Variants in CERS3 observed in about 807,000 individuals in gnomAD.
CERS3 encodes the protein LAG1 homolog, ceramide synthase 3.
Under a neutral mutation model 50.3 loss-of-function variants are expected in CERS3, and 33 were observed. The observed-to-expected ratio is 0.66, with a 90% CI of 0.50 to 0.88. CERS3 has a LOEUF of 0.88. CERS3 is among the 40% of genes least tolerant of loss of function. The pLI is 0.00. For synonymous variants in CERS3, 176 were observed against 155.2 expected (o/e 1.13, Z -0.99); for missense variants, 470 against 460.3 (o/e 1.02, Z -0.19).
intron 11 of CERS3, among the ~76,000 whole-genome samples, chr15:100,415,327 A>G (rs1346912453): frequency 6.9e-6 from 1 of 144,564 alleles, no homozygotes; most frequent in East Asian, 1.9e-4. Context: ...TGTTATTGGG[A>G]ATGCAAATTA....
chr15:100,424,680 C>G (rs1230572199), intron 11 of CERS3, among the ~76,000 whole-genome samples: 2 of 152,172 alleles, frequency 1.3e-5, no homozygotes, highest in Non-Finnish European at 2.9e-5. Context: ...AAGAAGTGAC[C>G]TGGCTGCTTA....
At chr15:100,501,941 G>C in intron 2 of CERS3, 91 bp from the exon 3 acceptor site, 1 of 1,364,944 alleles carries the variant, frequency 7.3e-7, no homozygotes, top group Non-Finnish European at 1.0e-6. Context: ...GCCAGATCCA[G>C]AGAGCTTAGA....
intron 10 of CERS3, among the ~76,000 whole-genome samples, chr15:100,456,944 G>GAA (rs3079239): frequency 0.033 from 4,516 of 135,888 alleles, 108 homozygotes; most frequent in African/African-American, 0.057. Context: ...AAGATTCCGT[G>GAA]AAAAAAAAAA....
chr15:100,431,000 T>C (rs1478265860), intron 11 of CERS3, among the ~76,000 whole-genome samples: 1 of 152,192 alleles, frequency 6.6e-6, no homozygotes, highest in East Asian at 1.9e-4. Flanking sequence ...CTTGGTAAAC[T>C]ACAGATTCTC....
At chr15:100,482,954 C>G (rs1206843355) in intron 5 of CERS3, among the ~76,000 whole-genome samples, 5 of 152,160 alleles carry the variant, frequency 3.3e-5, no homozygotes, top group Admixed American at 6.5e-5. Flanking sequence ...TAACTTTTAA[C>G]TTAGAATAAA....
chr15:100,425,194 C>A (rs1422702915), intron 11 of CERS3, among the ~76,000 whole-genome samples: 2 of 152,210 alleles, frequency 1.3e-5, no homozygotes, highest in Non-Finnish European at 2.9e-5. Context: ...GGGCTGGAGC[C>A]CCCACACAGA....
intron 1 of CERS3, among the ~76,000 whole-genome samples, chr15:100,538,166 G>T (rs11247223): frequency 0.46 from 70,272 of 152,080 alleles, 16,817 homozygotes; most frequent in Admixed American, 0.55. Flanking sequence ...CTGTGGCTTT[G>T]CAGGGTACAG....
At chr15:100,494,210 C>A (rs1420848724) in intron 3 of CERS3, among the ~76,000 whole-genome samples, 1 of 78,120 alleles carries the variant, frequency 1.3e-5, no homozygotes, top group African/African-American at 5.6e-5. Flanking sequence ...TTTTTCTTTT[C>A]ATATATATAT....
At position 100,479,527 on chromosome 15, in the gene CERS3, C is replaced by T. The variant is rs201016016; in HGVS notation, c.466-49G>A. 1.0e-4 allele frequency: 155 copies of T among 1,496,228 alleles called. 1 individual carries two copies. The East Asian group carries it at 1.7e-3, about 16-fold the overall frequency. 92.7% of individuals were successfully genotyped at this position (1,496,228 alleles called of 1,614,324 possible). On this transcript the variant is annotated intron_variant, in intron 6 of 11. Transcript: ENST00000679737. ...GCCAACAGATGAGAAATAAATTGGT[C>T]GGTGTCAAAGGTCAATTTTGGCAGA... is the stretch of plus-strand genomic sequence containing the variant.
At chr15:100,429,526 T>C in intron 11 of CERS3, among the ~76,000 whole-genome samples, 1 of 152,232 alleles carries the variant, frequency 6.6e-6, no homozygotes, top group Non-Finnish European at 1.5e-5. Flanking sequence ...ATTCACTATC[T>C]GCTTCCTTTC....
chr15:100,495,756 G>T (rs2035792860), intron 3 of CERS3, among the ~76,000 whole-genome samples: 1 of 151,930 alleles, frequency 6.6e-6, no homozygotes, highest in African/African-American at 2.4e-5. Flanking sequence ...TTACAGTAAT[G>T]TTTCCTAAAA....
chr15:100,538,368 G>T (rs1002471020), intron 1 of CERS3, among the ~76,000 whole-genome samples: 1 of 152,186 alleles, frequency 6.6e-6, no homozygotes, highest in Non-Finnish European at 1.5e-5. Flanking sequence ...CTTCTGCACT[G>T]CCCTAGCAGA....
chr15:100,443,391 T>C (rs1306915421), intron 11 of CERS3, among the ~76,000 whole-genome samples: 1 of 149,422 alleles, frequency 6.7e-6, no homozygotes, highest in African/African-American at 2.5e-5. Context: ...ATTTCACTTG[T>C]CCTAAAACCA....
At chr15:100,450,792 CT>C (rs1457110835) in intron 11 of CERS3, among the ~76,000 whole-genome samples, 3 of 152,138 alleles carry the variant, frequency 2.0e-5, no homozygotes, top group African/African-American at 7.2e-5. Context: ...AGATAGCATT[CT>C]AAGAACAGCA....
At chr15:100,445,579 A>T (rs2142166641) in intron 11 of CERS3, among the ~76,000 whole-genome samples, 1 of 152,084 alleles carries the variant, frequency 6.6e-6, no homozygotes, top group East Asian at 1.9e-4. Flanking sequence ...CTAAATGACA[A>T]ATGTTTCTTC....
At chr15:100,521,115 T>G (rs530680517) in intron 2 of CERS3, among the ~76,000 whole-genome samples, 2 of 152,280 alleles carry the variant, frequency 1.3e-5, no homozygotes, top group South Asian at 4.2e-4. Context: ...GACTCAAATT[T>G]AGGCATTAAC....
At chr15:100,502,098 G>T (rs1470256555) in intron 2 of CERS3, among the ~76,000 whole-genome samples, 1 of 151,656 alleles carries the variant, frequency 6.6e-6, no homozygotes, top group Non-Finnish European at 1.5e-5. Flanking sequence ...TACAAAAATT[G>T]GTCAGGTGTG....
chr15:100,418,655 G>A (rs1361117838), intron 11 of CERS3, among the ~76,000 whole-genome samples: 4 of 130,556 alleles, frequency 3.1e-5, no homozygotes, highest in African/African-American at 1.1e-4. Context: ...TGAAATCAAG[G>A]AAAAAATGTT....
intron 11 of CERS3, among the ~76,000 whole-genome samples, chr15:100,412,824 G>A (rs2031592719): frequency 6.6e-6 from 1 of 152,126 alleles, no homozygotes; most frequent in Admixed American, 6.5e-5. Context: ...GTAAAAATCT[G>A]TGGCTTTTAA....
Sources: gnomAD v4.1 joint callset for allele counts (sites outside exome capture counted in the v4.1 genomes callset) on GRCh38, gnomAD v4.1.1 for gene constraint, MANE v1.5 for transcripts, NCBI Gene and HGNC (gene_info 2026-07-23, HGNC 2026-07-21) for gene names.